The following MTMR7 variants were observed in gnomAD, a reference collection of about 807,000 sequenced individuals.
MTMR7 encodes phosphatidylinositol-3-phosphate phosphatase MTMR7.
MTMR7 carries 76 observed loss-of-function variants against 81.2 expected under a neutral mutation model. That is an observed-to-expected ratio of 0.94 (90% confidence interval 0.78 to 1.13). The LOEUF (loss-of-function observed/expected upper bound fraction) is 1.13. MTMR7 is among the 50% of genes most tolerant of loss of function. MTMR7 has a pLI of 0.00. For missense variants in MTMR7, 1,044 were observed against 820.0 expected (o/e 1.27, Z -3.34); for synonymous variants, 372 against 289.8 (o/e 1.28, Z -2.88).
chr8:17,360,809 T>G (rs1014235089), intron 4 of MTMR7, among the ~76,000 whole-genome samples: 1 of 152,040 alleles, frequency 6.6e-6, no homozygotes, highest in East Asian at 1.9e-4. Flanking sequence ...GATGGGAGAA[T>G]GAGATCCAGG....
chr8:17,357,023 A>T (rs1819913758), intron 4 of MTMR7, among the ~76,000 whole-genome samples: 1 of 152,180 alleles, frequency 6.6e-6, no homozygotes. Flanking sequence ...TATACAGCCC[A>T]CTTAACAGCT....
chr8:17,413,143 C>T (rs1792226823), intron 1 of MTMR7, 126 bp downstream of exon 1: 1 of 1,109,488 alleles, frequency 9.0e-7, no homozygotes, highest in Non-Finnish European at 1.3e-6. Flanking sequence ...GCCTGCTCCT[C>T]CCTCGCCCGC....
intron 2 of MTMR7, 52 bp from the exon 3 acceptor site, chr8:17,371,251 C>G: frequency 6.4e-7 from 1 of 1,561,628 alleles, no homozygotes; most frequent in Non-Finnish European, 8.7e-7. Flanking sequence ...CTAATGAATA[C>G]GACAAGGACT....
chr8:17,393,616 C>A (rs1363905821), intron 1 of MTMR7, among the ~76,000 whole-genome samples: 1 of 152,148 alleles, frequency 6.6e-6, no homozygotes, highest in Non-Finnish European at 1.5e-5. Context: ...CCAAACATTG[C>A]ATGTTTTCAC....
At chr8:17,341,585 C>T (rs895468515) in intron 5 of MTMR7, 88 bp from the exon 6 acceptor site, 1 of 1,469,760 alleles carries the variant, frequency 6.8e-7, no homozygotes, top group South Asian at 1.3e-5. Flanking sequence ...ACAAAGAGCC[C>T]TTGGCTCACT....
intron 4 of MTMR7, among the ~76,000 whole-genome samples, chr8:17,359,810 C>G (rs1199323122): frequency 6.6e-6 from 1 of 152,058 alleles, no homozygotes; most frequent in Non-Finnish European, 1.5e-5. Flanking sequence ...AAAACTAACT[C>G]TTTACTGGTG....
In MTMR7 at chr8:17,373,099, AAAAATAAAG is replaced by A. The variant is rs1246077046; in HGVS notation, c.147+10_147+18del. On this transcript the variant is annotated intron_variant, in intron 2 of 13. Coordinates refer to ENST00000180173, the MANE Select transcript of MTMR7 (RefSeq NM_004686.5). The stretch of plus-strand genomic sequence containing the variant: ...CAAACAACGCAAAACAAGGAAAGCT[AAAAATAAAG>A]AAAGCATACCCATGTTTCTTTTCTT... 34 of 1,610,144 alleles carry A rather than the reference AAAAATAAAG, an allele frequency of 2.1e-5. No individual in the cohort carries two copies. Among genetic ancestry groups the A allele is most frequent in the African/African-American group, 2.7e-5 (2 of 74,680 alleles).
chr8:17,407,850 AG>A (rs1419528740), intron 1 of MTMR7, among the ~76,000 whole-genome samples: 2 of 152,214 alleles, frequency 1.3e-5, no homozygotes, highest in Non-Finnish European at 2.9e-5. Flanking sequence ...ATAAAAGAAG[AG>A]ATAACCCTTG....
intron 7 of MTMR7, among the ~76,000 whole-genome samples, chr8:17,328,080 G>T (rs1006676187): frequency 5.3e-5 from 8 of 152,136 alleles, no homozygotes; most frequent in Non-Finnish European, 1.0e-4. Context: ...TAACAGTCAC[G>T]TGGAAGGTAG....
At chr8:17,324,290 G>A (rs1457632624) in intron 7 of MTMR7, among the ~76,000 whole-genome samples, 1 of 152,126 alleles carries the variant, frequency 6.6e-6, no homozygotes, top group South Asian at 2.1e-4. Context: ...TAAATGTCCC[G>A]GCTCCTGTGT....
intron 4 of MTMR7, among the ~76,000 whole-genome samples, chr8:17,353,874 T>G (rs1424738351): frequency 6.6e-6 from 1 of 152,212 alleles, no homozygotes; most frequent in Non-Finnish European, 1.5e-5. Context: ...GGTAACTCTT[T>G]CACTCATTCA....
At chr8:17,384,535 T>C (rs774027195) in intron 1 of MTMR7, among the ~76,000 whole-genome samples, 18 of 152,144 alleles carry the variant, frequency 1.2e-4, no homozygotes, top group African/African-American at 1.9e-4. Flanking sequence ...ACAGAAACAA[T>C]AGAGTATGCA....
intron 9 of MTMR7, 96 bp from the exon 10 acceptor site, chr8:17,309,422 G>A: frequency 3.6e-6 from 3 of 839,178 alleles, no homozygotes; most frequent in East Asian, 4.9e-5. Flanking sequence ...GGCACTTGCA[G>A]AAGTCCCCAT....
rs36233628 is a variant in MTMR7, at chr8:17,405,835, TACACACACACACACACACAC to T, written c.24+7414_24+7433del. On this transcript the variant is annotated intron_variant, in intron 1 of 13. Transcript: ENST00000180173. Reference sequence around the variant, plus strand: ...AACAGGTTCTCATTCCCCAAAACTATACACACACACACACACACACACACACACACACACACACACACACC... The same window carrying T: ...AACAGGTTCTCATTCCCCAAAACTATACACACACACACACACACACACACC... Among the ~76,000 whole-genome samples, 316 of 121,064 alleles carry T rather than the reference TACACACACACACACACACAC, an allele frequency of 2.6e-3. 4 individuals carry two copies. The highest frequency in any genetic ancestry group is 7.7e-3 in the African/African-American group (297 of 38,744). The allele number at this position is 121,064 out of a possible 152,430, so 79.4% of individuals were successfully genotyped here. A position where few individuals can be genotyped will look rare whatever the true frequency, so the allele number is the denominator to read the frequency against.
At chr8:17,396,891 G>C (rs895353849) in intron 1 of MTMR7, among the ~76,000 whole-genome samples, 1 of 151,852 alleles carries the variant, frequency 6.6e-6, no homozygotes, top group Non-Finnish European at 1.5e-5. Context: ...GCTACAAAAG[G>C]ATCAGATACC....
rs539910593 is a variant in MTMR7 at position 17,311,534 on chromosome 8, A to C, written c.1078T>G (p.Tyr360Asp). The C allele has an allele frequency of 1.2e-6, 2 of 1,614,166 alleles. No homozygotes were observed. The highest frequency in any genetic ancestry group is 4.5e-5 in the East Asian group (2 of 44,874). ...ACCATGAAGCCCTTCAGAGTCCGGT[A>C]GTGAGGGTCCAGCAGCAGGCTTGCC... Reference protein sequence around the residue: ...SVASLLLDPHYRTLKGFMVLI... With the variant: ...SVASLLLDPHDRTLKGFMVLI... Residue 360 changes from tyrosine (Y) to aspartate (D), a missense_variant, in exon 9 of 14, where the codon TAC becomes GAC. Transcript: ENST00000180173.
intron 3 of MTMR7, among the ~76,000 whole-genome samples, chr8:17,362,350 G>A (rs973173976): frequency 1.3e-5 from 2 of 152,140 alleles, no homozygotes; most frequent in African/African-American, 4.8e-5. Flanking sequence ...TGTGGCCAGT[G>A]GCTACCACCT....
Position 17,299,765 on chromosome 8 carries a change from A to G in MTMR7, c.*97T>C, listed in dbSNP as rs1816979640. 2 of 1,511,708 alleles carry G rather than the reference A, an allele frequency of 1.3e-6. No homozygotes were observed. Among genetic ancestry groups the G allele is most frequent in the Non-Finnish European group, 1.8e-6 (2 of 1,117,762 alleles). The allele number at this position is 1,511,708 out of a possible 1,614,324, so 93.6% of individuals were successfully genotyped here. ...CTGCATTAAAGTAGTTCTCAATGACATGCACCATTTCCTGTTTTTACAATA... is the reference window on the plus strand; with the variant it reads ...CTGCATTAAAGTAGTTCTCAATGACGTGCACCATTTCCTGTTTTTACAATA... On this transcript the variant is annotated 3_prime_UTR_variant, in exon 14 of 14. Transcript: ENST00000180173.
Position 17,309,331 on chromosome 8 carries a change from A to G in MTMR7, c.1102-5T>C. ...CCAGTCCTTTTCAATTAATACCTACACAAGAAAGAATACAAATATCTTGGA... is the reference window on the plus strand; with the variant it reads ...CCAGTCCTTTTCAATTAATACCTACGCAAGAAAGAATACAAATATCTTGGA... On this transcript the variant is annotated splice_region_variant and splice_polypyrimidine_tract_variant and intron_variant, in intron 9 of 13. Coordinates refer to ENST00000180173, the MANE Select transcript of MTMR7 (RefSeq NM_004686.5). 1 of 1,546,738 alleles carries G rather than the reference A, an allele frequency of 6.5e-7. No homozygotes were observed.
Sources: allele counts gnomAD v4.1 joint callset (sites outside exome capture counted in the v4.1 genomes callset), GRCh38; gene constraint gnomAD v4.1.1; transcripts MANE v1.5; gene names NCBI Gene and HGNC (gene_info 2026-07-23, HGNC 2026-07-21).